CRMP1: variants seen among roughly 807,000 people sequenced by gnomAD.
CRMP1 encodes dihydropyrimidinase-related protein 1.
Under a neutral mutation model 68.3 loss-of-function variants are expected in CRMP1, and 19 were observed. The observed-to-expected ratio is 0.28, with a 90% CI of 0.19 to 0.41. The LOEUF is 0.41. CRMP1 is among the 10% of genes least tolerant of loss of function. The probability of loss-of-function intolerance (pLI) is 1.00; values close to 1 mark genes in which losing one functional copy is unlikely to be tolerated. For synonymous variants in CRMP1, 439 were observed against 399.6 expected (o/e 1.10, Z -1.18); for missense variants, 791 against 967.4 (o/e 0.82, Z 2.42).
In CRMP1 at chr4:5,826,001, G is replaced by A. The variant is rs111534788; in HGVS notation, c.1804-342C>T. ...CAGGCCTACACAGTAGCATACACGC[G>A]TGAACACGCACACACACTTAAATCA... On this transcript the variant is annotated intron_variant, in intron 12 of 13. Coordinates refer to ENST00000324989, the MANE Select transcript of CRMP1 (RefSeq NM_001014809.3). 8.6e-3 allele frequency: 2,845 copies of A among 331,916 alleles called. 25 individuals carry two copies. Among genetic ancestry groups the A allele is most frequent in the Non-Finnish European group, 0.012 (2,137 of 181,816 alleles). The allele number at this position is 331,916 out of a possible 1,614,324, so 20.6% of individuals were successfully genotyped here.
chr4:5,845,252 C>T (rs559931786), intron 6 of CRMP1, among the ~76,000 whole-genome samples: 2 of 152,192 alleles, frequency 1.3e-5, no homozygotes, highest in South Asian at 4.1e-4. Flanking sequence ...CTGGACCCAG[C>T]ACCTTGCTTC....
intron 1 of CRMP1, among the ~76,000 whole-genome samples, chr4:5,876,418 C>T (rs2152472681): frequency 6.6e-6 from 1 of 152,216 alleles, no homozygotes; most frequent in Middle Eastern, 3.4e-3. Context: ...CACGCAAATT[C>T]AGATGAGGTT....
chr4:5,876,393 T>C (rs112405219), intron 1 of CRMP1, among the ~76,000 whole-genome samples: 5 of 152,106 alleles, frequency 3.3e-5, no homozygotes, highest in Non-Finnish European at 5.9e-5. Context: ...GGTGTCAACA[T>C]AGGGTCTCAG....
rs1228578107 is a variant in CRMP1, at chr4:5,881,264, T to C, written c.381+11325A>G. On this transcript the variant is annotated intron_variant, in intron 1 of 13. Transcript: ENST00000324989. The surrounding 1 kb of genome is among the most constrained non-coding windows in gnomAD (Gnocchi z 4.6). ...CTCTATGAAGCATCCAAGATCCCAC[T>C]CCACTTCCCAAACTACCAACACCAA... is the stretch of plus-strand genomic sequence containing the variant. Among the ~76,000 whole-genome samples, 1 of 152,178 alleles carries C rather than the reference T, an allele frequency of 6.6e-6. No individual in the cohort carries two copies. Among genetic ancestry groups the C allele is most frequent in the Non-Finnish European group, 1.5e-5 (1 of 68,030 alleles).
At chr4:5,830,545 G>A (rs1225414369) in intron 11 of CRMP1, among the ~76,000 whole-genome samples, 1 of 152,168 alleles carries the variant, frequency 6.6e-6, no homozygotes, top group Admixed American at 6.5e-5. Context: ...TAGGGCAGAG[G>A]TTAAGCCTCT....
At chr4:5,826,036 C>T (rs146085793) in intron 12 of CRMP1, 170 of 306,390 alleles carry the variant, frequency 5.5e-4, no homozygotes, top group Middle Eastern at 2.0e-3. Flanking sequence ...ACATACAGAT[C>T]TTCACAAAGG....
chr4:5,847,222 T>C (rs557564480), intron 6 of CRMP1, among the ~76,000 whole-genome samples: 1 of 152,278 alleles, frequency 6.6e-6, no homozygotes, highest in African/African-American at 2.4e-5. Context: ...CAGGGAGATA[T>C]CTTCCTTCTT....
rs1319340583 is a variant in CRMP1, at chr4:5,877,877, A to G, written c.382-11121T>C. On this transcript the variant is annotated intron_variant, in intron 1 of 13. Transcript: ENST00000324989. The surrounding 1 kb of genome is among the most constrained non-coding windows in gnomAD (Gnocchi z 4.3). The stretch of plus-strand genomic sequence containing the variant: ...TTTAAAACAGCACACCTCTGTCACA[A>G]CCCTAAGAGTGGGCAGGGCCTGCAC... Among the ~76,000 whole-genome samples, 1 of 152,124 alleles carries G rather than the reference A, an allele frequency of 6.6e-6. No individual in the cohort carries two copies. Among genetic ancestry groups the G allele is most frequent in the Admixed American group, 6.5e-5 (1 of 15,276 alleles).
In CRMP1 at chr4:5,841,180, A is replaced by T; in HGVS notation, c.1153+128T>A. On this transcript the variant is annotated intron_variant, in intron 8 of 13. Transcript: ENST00000324989. This position sits in a 1 kb window ranked among gnomAD's most constrained non-coding sequence, Gnocchi z 6.9. Reference sequence around the variant, plus strand: ...TTCCAGCCACCATCCTTGTGTCAGGAGCATCCCCGCTCCACCCCTCCCTCC... The same window carrying T: ...TTCCAGCCACCATCCTTGTGTCAGGTGCATCCCCGCTCCACCCCTCCCTCC... 1 of 1,411,946 alleles carries T rather than the reference A, an allele frequency of 7.1e-7. No individual in the cohort carries two copies. The highest frequency in any genetic ancestry group is 1.7e-5 in the Admixed American group (1 of 57,238). 87.5% of individuals were successfully genotyped at this position (1,411,946 alleles called of 1,614,324 possible). A position where few individuals can be genotyped will look rare whatever the true frequency, so the allele number is the denominator to read the frequency against.
intron 4 of CRMP1, 123 bp from the exon 5 acceptor site, chr4:5,851,592 C>A: frequency 1.1e-6 from 1 of 939,998 alleles, no homozygotes; most frequent in South Asian, 1.4e-5. Flanking sequence ...CCATTGGGAT[C>A]CCCAGTGGGG....
chr4:5,838,730 G>C lies in CRMP1; in HGVS notation c.1310+792C>G, dbSNP rs1227621361. Reference sequence around the variant, plus strand: ...TCAAAGGTTTCTGTATCATCAGGGGGATGGTGATTTCCACGTGGGCGCACA... The same window carrying C: ...TCAAAGGTTTCTGTATCATCAGGGGCATGGTGATTTCCACGTGGGCGCACA... On this transcript the variant is annotated intron_variant, in intron 9 of 13. Coordinates refer to ENST00000324989, the MANE Select transcript of CRMP1 (RefSeq NM_001014809.3). This position sits in a 1 kb window ranked among gnomAD's most constrained non-coding sequence, Gnocchi z 4.9. Among the ~76,000 whole-genome samples the C allele has an allele frequency of 3.9e-5, 6 of 152,122 alleles. No individual in the cohort carries two copies. Among genetic ancestry groups the C allele is most frequent in the African/African-American group, 1.2e-4 (5 of 41,414 alleles).
intron 1 of CRMP1, among the ~76,000 whole-genome samples, chr4:5,882,210 C>G (rs1207834929): frequency 6.6e-6 from 1 of 152,236 alleles, no homozygotes; most frequent in Non-Finnish European, 1.5e-5. Flanking sequence ...AGTACACTAT[C>G]AGCAGATGTG....
Position 5,866,611 on chromosome 4 carries a change from AAGGCC to A in CRMP1, c.470+52_470+56del. 8.4e-6 allele frequency: 11 copies of A among 1,315,946 alleles called. No homozygotes were observed. Among genetic ancestry groups the A allele is most frequent in the Non-Finnish European group, 1.2e-5 (11 of 916,280 alleles). The allele number at this position is 1,315,946 out of a possible 1,614,324, so 81.5% of individuals were successfully genotyped here. On this transcript the variant is annotated intron_variant, in intron 2 of 13. Transcript: ENST00000324989. The surrounding 1 kb of genome is among the most constrained non-coding windows in gnomAD (Gnocchi z 5.9). ...AGAATGCCAGCCTTCTGTTCCATCT[AAGGCC>A]AGGCAGCCTGGCGACACAGGTTTCT...
chr4:5,839,729 C>G (rs375910133), intron 8 of CRMP1, 51 bp from the exon 9 acceptor site: 495 of 1,547,780 alleles, frequency 3.2e-4, no homozygotes, highest in Non-Finnish European at 4.2e-4. Flanking sequence ...TCTCTTGAGG[C>G]AGATGTCAAA....
Position 5,861,116 on chromosome 4 carries a change from A to G in CRMP1, c.565T>C (p.Tyr189His). 6.2e-7 allele frequency: 1 copy of G among 1,614,210 alleles called. No individual in the cohort carries two copies. The highest frequency in any genetic ancestry group is 8.5e-7 in the Non-Finnish European group (1 of 1,180,034). Residue 189 changes from tyrosine to histidine, a missense_variant, in exon 3 of 14, where the codon TAC becomes CAC. Coordinates refer to ENST00000324989, the MANE Select transcript of CRMP1 (RefSeq NM_001014809.3). The surrounding 1 kb of genome is among the most constrained non-coding windows in gnomAD (Gnocchi z 6.0). ...VIPGGIDVNTYLQKPSQGMTA... is the reference protein window; with the variant it reads ...VIPGGIDVNTHLQKPSQGMTA... ...ATCCCCTGGGAGGGCTTCTGCAGGT[A>G]CGTGTTGACATCAATACCTCCGGGA...
rs1720848180 is a variant in CRMP1 at position 5,838,064 on chromosome 4, G to A, written c.1311-1158C>T. ...TGAGGCGTGCTGGGGACAGGCTGGA[G>A]ATGCCATTTCCAGGAGGATAATCAG... On this transcript the variant is annotated intron_variant, in intron 9 of 13. Coordinates refer to ENST00000324989, the MANE Select transcript of CRMP1 (RefSeq NM_001014809.3). The surrounding 1 kb of genome is among the most constrained non-coding windows in gnomAD (Gnocchi z 4.9). Among the ~76,000 whole-genome samples the A allele has an allele frequency of 6.6e-6, 1 of 152,208 alleles. No homozygotes were observed.
intron 11 of CRMP1, among the ~76,000 whole-genome samples, chr4:5,829,949 A>G (rs1720240897): frequency 6.6e-6 from 1 of 152,224 alleles, no homozygotes; most frequent in Non-Finnish European, 1.5e-5. Context: ...TCCAAAAAAG[A>G]CAACACTAGT....
chr4:5,882,134 T>G (rs563969245), intron 1 of CRMP1, among the ~76,000 whole-genome samples: 4 of 152,238 alleles, frequency 2.6e-5, no homozygotes, highest in Non-Finnish European at 4.4e-5. Context: ...ACATCTCCTC[T>G]AGAAAGACTG....
rs1187725335 is a variant in CRMP1, at chr4:5,888,139, G to A, written c.381+4450C>T. ...GCAGGAGGCCTCGGGGGGCGCCCCT[G>A]CCGGCGCCCCGTGGATCTGGACCCT... On this transcript the variant is annotated intron_variant, in intron 1 of 13. Coordinates refer to ENST00000324989, the MANE Select transcript of CRMP1 (RefSeq NM_001014809.3). The surrounding 1 kb of genome is among the most constrained non-coding windows in gnomAD (Gnocchi z 6.4). The A allele has an allele frequency of 1.6e-6, 2 of 1,222,114 alleles. No individual in the cohort carries two copies. The highest frequency in any genetic ancestry group is 2.0e-6 in the Non-Finnish European group (2 of 980,242). The allele number at this position is 1,222,114 out of a possible 1,614,324, so 75.7% of individuals were successfully genotyped here. A position where few individuals can be genotyped will look rare whatever the true frequency, so the allele number is the denominator to read the frequency against.
Sources: gnomAD v4.1 joint callset for allele counts (sites outside exome capture counted in the v4.1 genomes callset) on GRCh38, gnomAD v4.1.1 for gene constraint, Gnocchi (gnomAD v3.1) non-coding constraint, MANE v1.5 for transcripts, NCBI Gene and HGNC (gene_info 2026-07-23, HGNC 2026-07-21) for gene names.